Variants in MATN2 observed in about 807,000 individuals in gnomAD.
MATN2 encodes matrilin-2.
A neutral mutation model predicts 103.2 loss-of-function variants in MATN2; 69 were observed. The observed-to-expected ratio is 0.67, with a 90% CI of 0.55 to 0.82. MATN2 has a LOEUF of 0.82. Ranked by LOEUF, MATN2 falls within the 40% of genes least tolerant of loss-of-function variation. MATN2 has a pLI of 0.00. For missense variants in MATN2, 1,023 were observed against 1,211.5 expected (o/e 0.84, Z 2.31); for synonymous variants, 429 against 450.2 (o/e 0.95, Z 0.60).
chr8:97,964,355 T>C (rs1811415634), intron 5 of MATN2, among the ~76,000 whole-genome samples: 1 of 152,042 alleles, frequency 6.6e-6, no homozygotes. Context: ...TGGGGTGCCC[T>C]GTGTGTAGAT....
chr8:97,931,301 T>C lies in MATN2; in HGVS notation c.491T>C (p.Val164Ala). Residue 164 changes from valine (V) to alanine (A), a missense_variant, in exon 3 of 19, where the codon GTC (valine) becomes GCC (alanine). Coordinates refer to ENST00000254898, the MANE Select transcript of MATN2 (RefSeq NM_002380.5). This position sits in a 1 kb window ranked among gnomAD's most constrained non-coding sequence, Gnocchi z 4.1. ...ARPLRENVPR[V>A]IMIVTDGRPQ... Reference sequence around the variant, plus strand: ...CCCCTGAGGGAGAATGTGCCACGGGTCATAATGATCGTGACAGATGGGAGA... The same window carrying C: ...CCCCTGAGGGAGAATGTGCCACGGGCCATAATGATCGTGACAGATGGGAGA... The C allele has an allele frequency of 6.2e-7, 1 of 1,613,800 alleles. No homozygotes were observed. The highest frequency in any genetic ancestry group is 8.5e-7 in the Non-Finnish European group (1 of 1,179,860).
intron 5 of MATN2, among the ~76,000 whole-genome samples, chr8:97,969,458 A>G (rs1811587187): frequency 6.6e-6 from 1 of 152,240 alleles, no homozygotes; most frequent in South Asian, 2.1e-4. Context: ...AGAACTTAGC[A>G]TTATTATTAC....
chr8:98,016,202 G>A (rs1373148036), intron 10 of MATN2, among the ~76,000 whole-genome samples: 4 of 152,082 alleles, frequency 2.6e-5, no homozygotes, highest in African/African-American at 9.7e-5. Context: ...GCAACATGGT[G>A]AAATCCCGTC....
chr8:98,021,411 C>T, intron 13 of MATN2, 84 bp downstream of exon 13: 1 of 1,431,298 alleles, frequency 7.0e-7, no homozygotes, highest in Non-Finnish European at 9.6e-7. Context: ...ACAAATCCCT[C>T]ACCTCTGCTT....
Position 97,931,305 on chromosome 8 carries a change from A to G in MATN2, c.495A>G (p.Ile165Met). Residue 165 changes from isoleucine to methionine, a missense_variant, in exon 3 of 19, where the codon ATA becomes ATG. Physicochemically the swap from Ile to Met is conservative, Grantham distance 10. Transcript: ENST00000254898. The surrounding 1 kb of genome is among the most constrained non-coding windows in gnomAD (Gnocchi z 4.1). ...TGAGGGAGAATGTGCCACGGGTCAT[A>G]ATGATCGTGACAGATGGGAGACCTC... ...RPLRENVPRV[I>M]MIVTDGRPQD... is the part of the protein sequence containing the mutation. The G allele has an allele frequency of 6.2e-7, 1 of 1,613,888 alleles. No homozygotes were observed. The highest frequency in any genetic ancestry group is 8.5e-7 in the Non-Finnish European group (1 of 1,179,874).
intron 1 of MATN2, among the ~76,000 whole-genome samples, chr8:97,881,545 C>T (rs780859672): frequency 1.3e-5 from 2 of 152,162 alleles, no homozygotes; most frequent in Non-Finnish European, 2.9e-5. Context: ...AAGTCAAAGC[C>T]GTTGTATTAT....
chr8:97,976,355 C>G (rs1220586143), intron 5 of MATN2, among the ~76,000 whole-genome samples: 2 of 152,168 alleles, frequency 1.3e-5, no homozygotes, highest in Admixed American at 6.5e-5. Flanking sequence ...GTGATCCACC[C>G]TCCTCAGCCT....
chr8:98,007,622 C>T lies in MATN2; in HGVS notation c.1573+21C>T. On this transcript the variant is annotated intron_variant, in intron 10 of 18. Transcript: ENST00000254898. This position sits in a 1 kb window ranked among gnomAD's most constrained non-coding sequence, Gnocchi z 4.2. ...TGCAAGTAAGTGTCTGAAGGACAAG[C>T]AGGACCTGCACAGGTGTTCCGTGGG... 1.2e-6 allele frequency: 2 copies of T among 1,600,222 alleles called. No individual in the cohort carries two copies. The highest frequency in any genetic ancestry group is 1.1e-5 in the South Asian group (1 of 90,530).
At chr8:97,988,219 C>CATATATATAT (rs60086528) in intron 6 of MATN2, among the ~76,000 whole-genome samples, 1,987 of 123,134 alleles carry the variant, frequency 0.016, 35 homozygotes, top group Middle Eastern at 0.028. Context: ...TACACACATA[C>CATATATATAT]ATATATATAT....
At chr8:97,972,359 A>G (rs1337624035) in intron 5 of MATN2, among the ~76,000 whole-genome samples, 1 of 150,898 alleles carries the variant, frequency 6.6e-6, no homozygotes. Flanking sequence ...AAAAAAAGAA[A>G]AGAAAAGAAA....
intron 10 of MATN2, among the ~76,000 whole-genome samples, chr8:98,012,109 GTCTGTCTTTACTCTCCTC>G (rs1324892735): frequency 6.6e-6 from 1 of 152,182 alleles, no homozygotes; most frequent in African/African-American, 2.4e-5. Context: ...TCCTAATGGA[GTCTGTCTTTACTCTCCTC>G]TCTGGGTTTG....
intron 5 of MATN2, among the ~76,000 whole-genome samples, chr8:97,967,923 C>A (rs977707053): frequency 3.9e-5 from 6 of 152,248 alleles, no homozygotes; most frequent in Non-Finnish European, 7.3e-5. Flanking sequence ...AGGCTTCACC[C>A]CTGCAGCAGG....
rs529252625 is a variant in MATN2, at chr8:97,872,856, G to A, written c.-27+3569G>A. Among the ~76,000 whole-genome samples the A allele has an allele frequency of 7.9e-5, 12 of 151,476 alleles. No homozygotes were observed. The South Asian group carries it at 2.3e-3, about 29-fold the overall frequency. ...ATCGCCCACGCTAGAGTGCAGTGGC[G>A]TGATCTTGGCTCACTGCAGCCTCCG... On this transcript the variant is annotated intron_variant, in intron 1 of 18. Coordinates refer to ENST00000254898, the MANE Select transcript of MATN2 (RefSeq NM_002380.5).
At chr8:97,993,451 G>A (rs1277212820) in intron 6 of MATN2, among the ~76,000 whole-genome samples, 2 of 151,074 alleles carry the variant, frequency 1.3e-5, no homozygotes, top group Admixed American at 6.6e-5. Flanking sequence ...TGCAATAAAA[G>A]TTTCTTTCCA....
Position 98,003,767 on chromosome 8 carries a change from TG to T in MATN2, c.1313del (p.Gly438AlafsTer22). ...CHRGYTLDPN[G>X]KTCSRVDHCA... is the part of the protein sequence containing the mutation. The stretch of plus-strand genomic sequence containing the variant: ...ACCGTGGCTACACTCTGGACCCCAA[TG>T]GCAAAACCTGCAGCCGTGAGTGTAC... On this transcript the variant is annotated frameshift_variant, in exon 8 of 19. Coordinates refer to ENST00000254898, the MANE Select transcript of MATN2 (RefSeq NM_002380.5). LOFTEE classifies it high-confidence loss of function. 1 of 1,611,984 alleles carries T rather than the reference TG, an allele frequency of 6.2e-7. No homozygotes were observed. The highest frequency in any genetic ancestry group is 8.5e-7 in the Non-Finnish European group (1 of 1,178,810).
At chr8:97,968,516 G>A (rs1258377018) in intron 5 of MATN2, among the ~76,000 whole-genome samples, 1 of 152,170 alleles carries the variant, frequency 6.6e-6, no homozygotes, top group African/African-American at 2.4e-5. Context: ...TGAATGCTTT[G>A]CTGTTTAGAA....
intron 5 of MATN2, among the ~76,000 whole-genome samples, chr8:97,975,345 G>A (rs1373580533): frequency 1.3e-5 from 2 of 152,156 alleles, no homozygotes; most frequent in Non-Finnish European, 2.9e-5. Flanking sequence ...CTGGAAAAGG[G>A]GAAAGTTTGG....
chr8:97,887,517 A>G (rs1323224145), intron 1 of MATN2, among the ~76,000 whole-genome samples: 1 of 152,230 alleles, frequency 6.6e-6, no homozygotes, highest in Non-Finnish European at 1.5e-5. Context: ...GCCTCAGTCT[A>G]GTACCAGAGT....
chr8:97,984,160 A>G (rs1041003836), intron 6 of MATN2, among the ~76,000 whole-genome samples: 2 of 152,168 alleles, frequency 1.3e-5, no homozygotes, highest in African/African-American at 4.8e-5. Flanking sequence ...CCATCCTACA[A>G]TATTCTCACT....
Sources: gnomAD v4.1 joint callset for allele counts (sites outside exome capture counted in the v4.1 genomes callset) on GRCh38, gnomAD v4.1.1 for gene constraint, Gnocchi (gnomAD v3.1) non-coding constraint, MANE v1.5 for transcripts, NCBI Gene and HGNC (gene_info 2026-07-23, HGNC 2026-07-21) for gene names.